Variants in PCDH15 observed in about 807,000 individuals in gnomAD.
The protein encoded by PCDH15 is protocadherin related 15.
A neutral mutation model predicts 178.5 loss-of-function variants in PCDH15; 129 were observed. That is an observed-to-expected ratio of 0.72 (90% CI 0.63 to 0.84). The LOEUF (loss-of-function observed/expected upper bound fraction) is 0.84, where lower values mean the gene tolerates loss of function less well. PCDH15 is among the 40% of genes least tolerant of loss of function. The pLI is 0.00. For missense variants in PCDH15, 2,230 were observed against 2,099.9 expected (o/e 1.06, Z -1.21); for synonymous variants, 800 against 732.0 (o/e 1.09, Z -1.50).
At chr10:55,089,616 T>A (rs1842263689) in intron 2 of PCDH15, among the ~76,000 whole-genome samples, 1 of 152,174 alleles carries the variant, frequency 6.6e-6, no homozygotes, top group Admixed American at 6.6e-5. Flanking sequence ...AGAATTTGTA[T>A]CATTACAAAT....
At chr10:55,166,448 A>G (rs1417840801) in intron 2 of PCDH15, 1 of 152,190 alleles carries the variant, frequency 6.6e-6, no homozygotes. Context: ...GCTTAAAGAC[A>G]TTGAGCAATG....
rs965030943 is a variant in PCDH15, at chr10:55,351,100, T to G, written c.-155-184449A>C. On this transcript the variant is annotated intron_variant, in intron 2 of 5. Coordinates refer to the PCDH15 transcript ENST00000613346. ...CTCCTCCTCCTCCTTCTTCTTCTCC[T>G]TCTTCTTCTTCTGCCATGTGTTAGA... 7.1e-5 allele frequency among the ~76,000 whole-genome samples: 10 copies of G among 141,148 alleles called. No homozygotes were observed. In the East Asian group the frequency reaches 7.2e-4, roughly 10 times the overall value. The allele number at this position is 141,148 out of a possible 152,430, so 92.6% of individuals were successfully genotyped here.
chr10:54,983,567 A>G (rs1839293810), intron 2 of PCDH15, among the ~76,000 whole-genome samples: 1 of 152,156 alleles, frequency 6.6e-6, no homozygotes, highest in African/African-American at 2.4e-5. Flanking sequence ...ACCCAGGGTC[A>G]CTATTGATTA....
Position 53,822,618 on chromosome 10 carries a change from G to A in PCDH15, c.4368-2388C>T, listed in dbSNP as rs2132497440. On this transcript the variant is annotated intron_variant, in intron 32 of 37. Transcript: ENST00000644397. ...TGAAGAATGTAAAACACAAGGCCTT[G>A]AAGGAGAAAGTTCCAAGGAACACTC... is the stretch of plus-strand genomic sequence containing the variant. 1 of 1,614,072 alleles carries A rather than the reference G, an allele frequency of 6.2e-7. No homozygotes were observed. The highest frequency in any genetic ancestry group is 8.5e-7 in the Non-Finnish European group (1 of 1,179,994).
At chr10:54,489,485 A>G (rs1274948780) in intron 3 of PCDH15, among the ~76,000 whole-genome samples, 1 of 152,172 alleles carries the variant, frequency 6.6e-6, no homozygotes, top group Non-Finnish European at 1.5e-5. Context: ...GCTCAACACT[A>G]TGATGAGAGC....
intron 8 of PCDH15, among the ~76,000 whole-genome samples, chr10:54,304,693 A>C (rs2060358324): frequency 6.6e-6 from 1 of 152,070 alleles, no homozygotes; most frequent in Non-Finnish European, 1.5e-5. Context: ...TTAAAAGATT[A>C]CCCTGATTGG....
At chr10:54,031,234 T>TA (rs2093284495) in intron 18 of PCDH15, among the ~76,000 whole-genome samples, 1 of 65,976 alleles carries the variant, frequency 1.5e-5, no homozygotes, top group Admixed American at 1.7e-4. Context: ...CCTTCCCTGA[T>TA]ATAGGTTTTT....
intron 3 of PCDH15, among the ~76,000 whole-genome samples, chr10:54,842,314 C>T (rs1326001662): frequency 6.6e-6 from 1 of 151,726 alleles, no homozygotes; most frequent in Non-Finnish European, 1.5e-5. Flanking sequence ...TAACTATTAG[C>T]ACCCTTTCTT....
intron 2 of PCDH15, among the ~76,000 whole-genome samples, chr10:54,973,443 T>A (rs892857531): frequency 6.6e-6 from 1 of 152,236 alleles, no homozygotes; most frequent in Non-Finnish European, 1.5e-5. Flanking sequence ...GCATCTGTGC[T>A]TGTTGCAGAA....
At chr10:54,004,996 C>G (rs1316406718) in intron 20 of PCDH15, among the ~76,000 whole-genome samples, 1 of 150,268 alleles carries the variant, frequency 6.7e-6, no homozygotes, top group South Asian at 2.1e-4. Context: ...AATTGAGAAC[C>G]CAGAAATAAA....
intron 2 of PCDH15, among the ~76,000 whole-genome samples, chr10:55,124,456 T>C (rs955748151): frequency 2.6e-5 from 4 of 152,144 alleles, no homozygotes; most frequent in African/African-American, 9.7e-5. Context: ...AAAACTTTAA[T>C]AGAATAATTT....
At chr10:54,143,768 T>C (rs1364270676) in intron 14 of PCDH15, among the ~76,000 whole-genome samples, 1 of 152,226 alleles carries the variant, frequency 6.6e-6, no homozygotes, top group Non-Finnish European at 1.5e-5. Context: ...AGTATACTTT[T>C]GTAAACAGAA....
intron 2 of PCDH15, among the ~76,000 whole-genome samples, chr10:54,974,074 C>A (rs1323135729): frequency 6.6e-6 from 1 of 151,410 alleles, no homozygotes; most frequent in Non-Finnish European, 1.5e-5. Context: ...CACACACACA[C>A]ACACACACAG....
chr10:55,099,735 A>C (rs1395886208), intron 2 of PCDH15, among the ~76,000 whole-genome samples: 2 of 152,056 alleles, frequency 1.3e-5, no homozygotes, highest in Non-Finnish European at 2.9e-5. Flanking sequence ...TCAGCCAATA[A>C]AGTGAAGTAA....
At chr10:55,613,888 C>A (rs1843421140) in intron 2 of PCDH15, among the ~76,000 whole-genome samples, 1 of 151,998 alleles carries the variant, frequency 6.6e-6, no homozygotes, top group Non-Finnish European at 1.5e-5. Context: ...GCGGGTGGAA[C>A]ACAAGGTCAG....
intron 14 of PCDH15, among the ~76,000 whole-genome samples, chr10:54,150,921 T>A (rs1416255447): frequency 4.0e-5 from 6 of 151,642 alleles, no homozygotes; most frequent in Admixed American, 3.9e-4. Flanking sequence ...TATGTCCTAA[T>A]AGAATCTACA....
chr10:54,994,882 A>G (rs890850330), intron 2 of PCDH15, among the ~76,000 whole-genome samples: 3 of 152,214 alleles, frequency 2.0e-5, no homozygotes, highest in African/African-American at 7.2e-5. Flanking sequence ...TATGTGATAA[A>G]TTATCAGTGT....
chr10:54,927,319 T>G lies in PCDH15; in HGVS notation c.-79-29819A>C, dbSNP rs113684144. Among the ~76,000 whole-genome samples the G allele has an allele frequency of 1.1e-4, 16 of 152,234 alleles. 1 individual carries two copies. Among genetic ancestry groups the G allele is most frequent in the African/African-American group, 3.8e-4 (16 of 41,568 alleles). ...AGATAGTGGTTGTTATGATTTTAGG[T>G]GTTTTACCTTTGCTTAGGAGTATTT... On this transcript the variant is annotated intron_variant, in intron 2 of 5. Transcript: ENST00000458638.
chr10:55,474,899 A>C (rs1342325195), intron 2 of PCDH15, among the ~76,000 whole-genome samples: 1 of 152,146 alleles, frequency 6.6e-6, no homozygotes, highest in African/African-American at 2.4e-5. Context: ...TGTCGATTCT[A>C]TCTTCAAAAT....
Sources: gnomAD v4.1 joint callset for allele counts (sites outside exome capture counted in the v4.1 genomes callset) on GRCh38, gnomAD v4.1.1 for gene constraint, MANE v1.5 for transcripts, NCBI Gene and HGNC (gene_info 2026-07-23, HGNC 2026-07-21) for gene names.